The following PCDH11X variants were observed in gnomAD, a reference collection of about 807,000 sequenced individuals.
PCDH11X encodes the protein protocadherin-11 X-linked.
Under a neutral mutation model 53.3 loss-of-function variants are expected in PCDH11X, and 18 were observed. The observed-to-expected ratio is 0.34, with a 90% CI of 0.23 to 0.50. PCDH11X has a LOEUF of 0.50. PCDH11X is among the 20% of genes least tolerant of loss of function. The probability of loss-of-function intolerance (pLI) is 0.98; values close to 1 mark genes in which losing one functional copy is unlikely to be tolerated. For missense variants in PCDH11X, 570 were observed against 1,032.4 expected, an observed-to-expected ratio of 0.55 and a Z score of 6.14; for synonymous variants, 279 against 393.3, an observed-to-expected ratio of 0.71 and a Z score of 3.44.
chrX:91,943,083 G>A (rs2061530330), intron 6 of PCDH11X, among the ~76,000 whole-genome samples: 1 of 95,874 alleles, frequency 1.0e-5, no homozygotes, highest in Non-Finnish European at 2.1e-5. Context: ...ATTGTTGCCA[G>A]GGGTTGTGAG....
chrX:92,272,224 T>C (rs1255154882), intron 8 of PCDH11X, among the ~76,000 whole-genome samples: 1 of 112,134 alleles, frequency 8.9e-6, no homozygotes, highest in Non-Finnish European at 1.9e-5. Context: ...GTGTCAGATA[T>C]TGAGCCATTT....
At chrX:92,277,915 T>C (rs2068144012) in intron 8 of PCDH11X, among the ~76,000 whole-genome samples, 1 of 111,195 alleles carries the variant, frequency 9.0e-6, no homozygotes, top group Admixed American at 9.5e-5. Context: ...GACTTGCCGC[T>C]AAGGGTGAAG....
intron 6 of PCDH11X, among the ~76,000 whole-genome samples, chrX:91,987,204 C>T (rs1042429477): frequency 8.1e-5 from 9 of 111,209 alleles, no homozygotes; most frequent in African/African-American, 2.6e-4. Flanking sequence ...CCTGCCTCAG[C>T]GTCCCAAGCA....
intron 7 of PCDH11X, among the ~76,000 whole-genome samples, chrX:92,210,230 CTTTTTTTTTTTTT>C (rs146233770): frequency 2.9e-4 from 12 of 41,079 alleles, no homozygotes; most frequent in Non-Finnish European, 2.4e-4. Context: ...AGAAAATGGG[CTTTTTTTTTTTTT>C]TTTTTTTTTT....
chrX:92,241,951 C>T (rs1352259360), intron 7 of PCDH11X, among the ~76,000 whole-genome samples: 1 of 110,352 alleles, frequency 9.1e-6, no homozygotes, highest in African/African-American at 3.3e-5. Flanking sequence ...TGTGTATGTT[C>T]ATGTATCCAC....
intron 10 of PCDH11X, among the ~76,000 whole-genome samples, chrX:92,573,567 A>G (rs1296701338): frequency 3.1e-4 from 34 of 110,262 alleles, no homozygotes; most frequent in African/African-American, 1.1e-3. Flanking sequence ...TATGTTTGTA[A>G]AGAAATCAAA....
chrX:92,376,998 A>G (rs1338835099), intron 8 of PCDH11X, among the ~76,000 whole-genome samples: 1 of 111,468 alleles, frequency 9.0e-6, no homozygotes, highest in Non-Finnish European at 1.9e-5. Flanking sequence ...ATTGCCAGGT[A>G]CAGTTTTATA....
At chrX:92,160,281 C>T (rs1456978241) in intron 6 of PCDH11X, among the ~76,000 whole-genome samples, 1 of 109,861 alleles carries the variant, frequency 9.1e-6, no homozygotes, top group Non-Finnish European at 1.9e-5. Flanking sequence ...TACATTGAAC[C>T]CAATTTGTAG....
chrX:92,282,573 C>G (rs957155257), intron 8 of PCDH11X, among the ~76,000 whole-genome samples: 10 of 111,315 alleles, frequency 9.0e-5, no homozygotes, highest in African/African-American at 3.3e-4. Flanking sequence ...AAATGATATG[C>G]TATGTTAAGC....
At chrX:92,041,956 G>A (rs144425893) in intron 6 of PCDH11X, among the ~76,000 whole-genome samples, 3,758 of 111,968 alleles carry the variant, frequency 0.034, 163 homozygotes, top group African/African-American at 0.11. Context: ...GTGACAGAGC[G>A]AGACTCCGTC....
At chrX:91,999,249 A>G in intron 6 of PCDH11X, among the ~76,000 whole-genome samples, 1 of 111,690 alleles carries the variant, frequency 9.0e-6, no homozygotes, top group Non-Finnish European at 1.9e-5. Flanking sequence ...GCAATACAGT[A>G]ACATTTCAGT....
intron 5 of PCDH11X, among the ~76,000 whole-genome samples, chrX:91,836,892 T>C (rs778072333): frequency 9.0e-6 from 1 of 110,988 alleles, no homozygotes; most frequent in Admixed American, 9.7e-5. Context: ...ACTTATATGA[T>C]ATAAAGAGAA....
rs959199831 is a variant in PCDH11X, at chrX:92,273,379, T to C, written c.3144+10236T>C. 3.6e-5 allele frequency among the ~76,000 whole-genome samples: 4 copies of C among 111,168 alleles called. No homozygotes were observed. In the South Asian group the frequency reaches 1.5e-3, roughly 42 times the overall value. ...AAGGTGGGGTAGGAACAAATCACAA[T>C]GGTGGAATGTCATCAGTTAAGGCGG... On this transcript the variant is annotated intron_variant, in intron 8 of 10. Transcript: ENST00000682573.
chrX:92,568,836 C>T (rs757254517), intron 10 of PCDH11X, among the ~76,000 whole-genome samples: 1 of 110,892 alleles, frequency 9.0e-6, no homozygotes, highest in Non-Finnish European at 1.9e-5. Flanking sequence ...TTTTGTACGT[C>T]TTTAAAAATA....
intron 6 of PCDH11X, among the ~76,000 whole-genome samples, chrX:91,886,539 A>G (rs1457154532): frequency 1.8e-5 from 2 of 110,835 alleles, no homozygotes; most frequent in African/African-American, 6.6e-5. Flanking sequence ...TATTTAAGCT[A>G]TTATATTTCT....
intron 5 of PCDH11X, among the ~76,000 whole-genome samples, chrX:91,860,959 G>A (rs924540580): frequency 7.2e-5 from 8 of 111,260 alleles, no homozygotes; most frequent in African/African-American, 9.8e-5. Context: ...GCATCTCTGC[G>A]AGGTTTTGGT....
intron 4 of PCDH11X, among the ~76,000 whole-genome samples, chrX:91,827,509 TTCA>T (rs1187781599): frequency 9.1e-6 from 1 of 110,322 alleles, no homozygotes; most frequent in Non-Finnish European, 1.9e-5. Context: ...TTTTGGCATG[TTCA>T]TCATGAAATC....
At chrX:92,352,457 A>G (rs2148527911) in intron 8 of PCDH11X, among the ~76,000 whole-genome samples, 1 of 111,906 alleles carries the variant, frequency 8.9e-6, no homozygotes, top group East Asian at 2.8e-4. Context: ...GATTAGCTTA[A>G]TAATTGACCT....
At chrX:92,325,498 A>C (rs1314107094) in intron 8 of PCDH11X, among the ~76,000 whole-genome samples, 1 of 111,820 alleles carries the variant, frequency 8.9e-6, no homozygotes, top group African/African-American at 3.3e-5. Flanking sequence ...TAGGAAATGC[A>C]GCGTTCTAAT....
Sources: allele counts gnomAD v4.1 joint callset (sites outside exome capture counted in the v4.1 genomes callset), GRCh38; gene constraint gnomAD v4.1.1; transcripts MANE v1.5; gene names NCBI Gene and HGNC (gene_info 2026-07-23, HGNC 2026-07-21).